Variants in KCNIP4 observed in about 807,000 individuals in gnomAD.
KCNIP4 encodes the protein Kv channel-interacting protein 4.
Under a neutral mutation model 34.0 loss-of-function variants are expected in KCNIP4, and 12 were observed. That is an observed-to-expected ratio of 0.35 (90% CI 0.23 to 0.57). The LOEUF (loss-of-function observed/expected upper bound fraction) is 0.57, where lower values mean the gene tolerates loss of function less well. Ranked by LOEUF, KCNIP4 falls within the 20% of genes least tolerant of loss-of-function variation. KCNIP4 has a pLI of 0.83. For synonymous variants in KCNIP4, 124 were observed against 102.2 expected, an observed-to-expected ratio of 1.21 and a Z score of -1.29; for missense variants, 238 against 311.7, an observed-to-expected ratio of 0.76 and a Z score of 1.78.
chr4:21,944,310 G>C (rs4467547), intron 1 of KCNIP4, among the ~76,000 whole-genome samples: 1 of 151,710 alleles, frequency 6.6e-6, no homozygotes, highest in Non-Finnish European at 1.5e-5. Context: ...TTGGGAGGCC[G>C]AGGCAGGAGG....
chr4:21,643,222 T>C (rs1381145775), intron 1 of KCNIP4, among the ~76,000 whole-genome samples: 1 of 152,188 alleles, frequency 6.6e-6, no homozygotes, highest in Non-Finnish European at 1.5e-5. Context: ...TAACATGAGA[T>C]GTATTGACTT....
chr4:20,876,359 A>G (rs1724029794), intron 2 of KCNIP4, among the ~76,000 whole-genome samples: 1 of 152,164 alleles, frequency 6.6e-6, no homozygotes, highest in East Asian at 1.9e-4. Flanking sequence ...AGAGTTATTC[A>G]ATAAGGAGTT....
intron 1 of KCNIP4, chr4:21,303,897 C>T: frequency 6.2e-7 from 1 of 1,614,032 alleles, no homozygotes; most frequent in Non-Finnish European, 8.5e-7. Context: ...TCAAGCCCTT[C>T]CAAGTTCATG....
intron 1 of KCNIP4, among the ~76,000 whole-genome samples, chr4:21,110,215 G>T (rs7696822): frequency 0.29 from 44,258 of 152,040 alleles, 7,104 homozygotes; most frequent in African/African-American, 0.44. Flanking sequence ...ACAATTAAAA[G>T]CATACTCTGC....
At chr4:21,234,400 A>G (rs1759162015) in intron 1 of KCNIP4, among the ~76,000 whole-genome samples, 1 of 119,932 alleles carries the variant, frequency 8.3e-6, no homozygotes, top group Non-Finnish European at 1.7e-5. Flanking sequence ...CATATATAAT[A>G]TATTATATAA....
intron 1 of KCNIP4, among the ~76,000 whole-genome samples, chr4:21,859,917 CCAGCTACT>C (rs1210694137): frequency 7.9e-5 from 12 of 151,834 alleles, no homozygotes; most frequent in African/African-American, 2.9e-4. Flanking sequence ...GCCTGTAGTC[CCAGCTACT>C]CACTACTTGG....
intron 1 of KCNIP4, among the ~76,000 whole-genome samples, chr4:21,317,952 C>T (rs568396478): frequency 1.3e-5 from 2 of 152,196 alleles, no homozygotes; most frequent in Non-Finnish European, 2.9e-5. Context: ...GTCCAATAAA[C>T]CTCTTTATTT....
chr4:21,253,217 C>A (rs546047230), intron 1 of KCNIP4, among the ~76,000 whole-genome samples: 13 of 152,286 alleles, frequency 8.5e-5, no homozygotes, highest in African/African-American at 2.9e-4. Context: ...GCAGCCTTGA[C>A]AAATCTTATA....
At chr4:20,924,798 T>A (rs190897098) in intron 1 of KCNIP4, among the ~76,000 whole-genome samples, 2 of 152,320 alleles carry the variant, frequency 1.3e-5, no homozygotes, top group East Asian at 3.9e-4. Context: ...CTCCATCGAC[T>A]GCTCTAAACA....
intron 1 of KCNIP4, among the ~76,000 whole-genome samples, chr4:21,384,996 T>A (rs937669098): frequency 6.6e-6 from 1 of 152,184 alleles, no homozygotes; most frequent in African/African-American, 2.4e-5. Context: ...CCCTTATTGA[T>A]CTCCATTTAT....
At chr4:21,755,934 C>T (rs1717482357) in intron 1 of KCNIP4, among the ~76,000 whole-genome samples, 1 of 152,058 alleles carries the variant, frequency 6.6e-6, no homozygotes, top group Non-Finnish European at 1.5e-5. Context: ...TGCATTTTCC[C>T]TTAGATTTTA....
intron 1 of KCNIP4, among the ~76,000 whole-genome samples, chr4:21,131,423 C>T (rs888702377): frequency 6.6e-6 from 1 of 152,112 alleles, no homozygotes; most frequent in Non-Finnish European, 1.5e-5. Context: ...TCCTGGCTAA[C>T]ACGGTGAAAC....
intron 1 of KCNIP4, among the ~76,000 whole-genome samples, chr4:21,706,304 C>T (rs929603289): frequency 6.6e-6 from 1 of 152,092 alleles, no homozygotes; most frequent in African/African-American, 2.4e-5. Flanking sequence ...AGTTTTGGCA[C>T]ATGGTAAGGG....
chr4:21,360,073 T>C (rs1182807396), intron 1 of KCNIP4, among the ~76,000 whole-genome samples: 1 of 152,100 alleles, frequency 6.6e-6, no homozygotes, highest in Non-Finnish European at 1.5e-5. Context: ...TGAGCTCTAC[T>C]GTGCGTGTAA....
intron 1 of KCNIP4, among the ~76,000 whole-genome samples, chr4:21,214,548 T>A (rs1032559611): frequency 6.6e-6 from 1 of 152,194 alleles, no homozygotes. Flanking sequence ...TGATTACCTG[T>A]GTTGCATGGA....
chr4:21,680,100 A>T (rs1257665745), intron 1 of KCNIP4, among the ~76,000 whole-genome samples: 1 of 152,218 alleles, frequency 6.6e-6, no homozygotes, highest in African/African-American at 2.4e-5. Context: ...TTTACCCACA[A>T]GATAACTTTT....
chr4:21,805,682 T>C (rs1721249810), intron 1 of KCNIP4, among the ~76,000 whole-genome samples: 1 of 152,178 alleles, frequency 6.6e-6, no homozygotes, highest in Non-Finnish European at 1.5e-5. Context: ...AATATCTCTA[T>C]ACTCTCTGCC....
At chr4:20,861,077 G>C (rs759257228) in intron 2 of KCNIP4, among the ~76,000 whole-genome samples, 1 of 152,076 alleles carries the variant, frequency 6.6e-6, no homozygotes, top group Non-Finnish European at 1.5e-5. Flanking sequence ...TAGTTTCTTG[G>C]GTGGAGGAAT....
chr4:21,786,632 A>G (rs6843758), intron 1 of KCNIP4, among the ~76,000 whole-genome samples: 16,905 of 142,384 alleles, frequency 0.12, 2,877 homozygotes, highest in African/African-American at 0.38. Flanking sequence ...CAGTGGCCTG[A>G]TCTCCTCTCA....
Sources: gnomAD v4.1 joint callset for allele counts (sites outside exome capture counted in the v4.1 genomes callset) on GRCh38, gnomAD v4.1.1 for gene constraint, MANE v1.5 for transcripts, NCBI Gene and HGNC (gene_info 2026-07-23, HGNC 2026-07-21) for gene names.